Variants in TAFA4 observed in about 807,000 individuals in gnomAD.
The protein encoded by TAFA4 is TAFA chemokine like family member 4.
TAFA4 carries 20 observed loss-of-function variants against 21.1 expected under a neutral mutation model. The ratio of observed to expected loss-of-function variants is 0.95; its 90% CI spans 0.67 to 1.38. TAFA4 has a LOEUF of 1.38. Among genes scored for constraint, TAFA4 ranks in the 40% most tolerant of loss-of-function variants. TAFA4 has a pLI of 0.00. For missense variants in TAFA4, 211 were observed against 180.9 expected (o/e 1.17, Z -0.95); for synonymous variants, 71 against 67.4 (o/e 1.05, Z -0.26).
At chr3:68,746,941 C>G (rs893329981) in intron 4 of TAFA4, among the ~76,000 whole-genome samples, 1 of 152,172 alleles carries the variant, frequency 6.6e-6, no homozygotes, top group African/African-American at 2.4e-5. Context: ...AGATGTAAGG[C>G]AGCACTTCCG....
intron 1 of TAFA4, among the ~76,000 whole-genome samples, chr3:68,906,424 T>C (rs2089901582): frequency 6.6e-6 from 1 of 152,226 alleles, no homozygotes; most frequent in Non-Finnish European, 1.5e-5. Context: ...GCACTAACGA[T>C]GTACCAAATA....
chr3:68,783,667 CACACACAGAGAGAG>C (rs1306817292), intron 3 of TAFA4, among the ~76,000 whole-genome samples: 5 of 93,950 alleles, frequency 5.3e-5, no homozygotes, highest in South Asian at 3.9e-4. Flanking sequence ...CACAGACACA[CACACACAGAGAGAG>C]AGAGAGAGAG....
chr3:68,791,326 C>T (rs1363832871), intron 3 of TAFA4, among the ~76,000 whole-genome samples: 8 of 152,168 alleles, frequency 5.3e-5, no homozygotes, highest in Admixed American at 3.9e-4. Context: ...CATGTGAAGA[C>T]AGAGGCAGAG....
chr3:68,890,501 T>C (rs1028735886), intron 1 of TAFA4, among the ~76,000 whole-genome samples: 1 of 152,234 alleles, frequency 6.6e-6, no homozygotes, highest in Non-Finnish European at 1.5e-5. Context: ...GAAGGTTTAT[T>C]TGTTTTTATT....
chr3:68,917,034 C>T (rs776212154), intron 1 of TAFA4, among the ~76,000 whole-genome samples: 10 of 152,156 alleles, frequency 6.6e-5, no homozygotes, highest in Non-Finnish European at 1.2e-4. Flanking sequence ...ATAGATGTGA[C>T]GTACGTAGCT....
intron 3 of TAFA4, among the ~76,000 whole-genome samples, chr3:68,811,072 G>A (rs965575728): frequency 1.9e-4 from 29 of 152,286 alleles, no homozygotes; most frequent in Admixed American, 1.4e-3. Context: ...GGTCTGGAGT[G>A]GACCTCCAGC....
At chr3:68,787,305 C>A (rs1703279443) in intron 3 of TAFA4, among the ~76,000 whole-genome samples, 1 of 152,166 alleles carries the variant, frequency 6.6e-6, no homozygotes, top group African/African-American at 2.4e-5. Flanking sequence ...ATTAAAAGCT[C>A]ATTAACTCCC....
intron 3 of TAFA4, among the ~76,000 whole-genome samples, chr3:68,834,267 C>A (rs891818897): frequency 5.3e-5 from 8 of 152,166 alleles, no homozygotes; most frequent in African/African-American, 1.9e-4. Context: ...AAAATAACTG[C>A]TTTAGCCATG....
At chr3:68,756,201 A>AATAC (rs1702656988) in intron 3 of TAFA4, among the ~76,000 whole-genome samples, 3 of 152,224 alleles carry the variant, frequency 2.0e-5, no homozygotes, top group Admixed American at 2.0e-4. Context: ...GTGGATAACT[A>AATAC]ATACACCAAC....
chr3:68,806,464 T>C (rs538740328), intron 3 of TAFA4, among the ~76,000 whole-genome samples: 2 of 152,334 alleles, frequency 1.3e-5, no homozygotes, highest in South Asian at 4.1e-4. Context: ...TATACTCTAT[T>C]AAGCCTTTTG....
intron 3 of TAFA4, among the ~76,000 whole-genome samples, chr3:68,867,303 C>A (rs1575649098): frequency 6.6e-6 from 1 of 151,934 alleles, no homozygotes; most frequent in African/African-American, 2.4e-5. Flanking sequence ...AAGAAAAAAA[C>A]CATAAGCCAA....
intron 1 of TAFA4, among the ~76,000 whole-genome samples, chr3:68,924,769 C>T (rs767555455): frequency 6.3e-4 from 96 of 152,150 alleles, no homozygotes; most frequent in Non-Finnish European, 8.1e-4. Context: ...CATTCTCCAA[C>T]GCAAAAATGG....
intron 3 of TAFA4, among the ~76,000 whole-genome samples, chr3:68,869,806 G>C (rs577104498): frequency 1.3e-5 from 2 of 151,948 alleles, no homozygotes; most frequent in Non-Finnish European, 2.9e-5. Flanking sequence ...AATAAGACAA[G>C]GATGCACAAA....
chr3:68,736,752 C>T (rs1702248451), intron 5 of TAFA4, among the ~76,000 whole-genome samples: 1 of 152,058 alleles, frequency 6.6e-6, no homozygotes, highest in Admixed American at 6.6e-5. Flanking sequence ...AATGAATTTA[C>T]TCTATGTGCA....
intron 1 of TAFA4, among the ~76,000 whole-genome samples, chr3:68,930,269 A>G (rs1401455519): frequency 6.6e-6 from 1 of 152,216 alleles, no homozygotes. Flanking sequence ...GGTTGCCTTC[A>G]ATGAAAAATA....
At chr3:68,909,282 C>A (rs774397537) in intron 1 of TAFA4, among the ~76,000 whole-genome samples, 3 of 152,156 alleles carry the variant, frequency 2.0e-5, no homozygotes, top group Non-Finnish European at 2.9e-5. Context: ...ACCCACCGGG[C>A]AGAATTAGGA....
chr3:68,748,045 TC>T (rs1702491418), intron 4 of TAFA4, among the ~76,000 whole-genome samples: 1 of 152,142 alleles, frequency 6.6e-6, no homozygotes, highest in Non-Finnish European at 1.5e-5. Flanking sequence ...AGGGGCAGCA[TC>T]CCTGACCACC....
intron 3 of TAFA4, among the ~76,000 whole-genome samples, chr3:68,753,903 A>G (rs183019156): frequency 1.6e-4 from 25 of 152,304 alleles, no homozygotes; most frequent in Admixed American, 4.6e-4. Flanking sequence ...ATTTAACCCA[A>G]TGGTGAGACG....
In TAFA4 at chr3:68,887,499, T is replaced by C. The variant is rs1287461081; in HGVS notation, c.-122-2189A>G. Among the ~76,000 whole-genome samples, 4 of 152,050 alleles carry C rather than the reference T, an allele frequency of 2.6e-5. No homozygotes were observed. In the South Asian group the frequency reaches 8.3e-4, roughly 32 times the overall value. ...CCCATGACTGCCCCCTAGTACATGC[T>C]CTCTGTGGTGGCTCCTCCCTTGTAA... On this transcript the variant is annotated intron_variant, in intron 1 of 5. Coordinates refer to ENST00000295569, the MANE Select transcript of TAFA4 (RefSeq NM_182522.5).
Sources: gnomAD v4.1 joint callset for allele counts (sites outside exome capture counted in the v4.1 genomes callset) on GRCh38, gnomAD v4.1.1 for gene constraint, MANE v1.5 for transcripts, NCBI Gene and HGNC (gene_info 2026-07-23, HGNC 2026-07-21) for gene names.